The following CRTAC1 variants were observed in gnomAD, a reference collection of about 807,000 sequenced individuals.
The protein encoded by CRTAC1 is cartilage acidic protein 1.
In CRTAC1, 37 loss-of-function variants were observed where a neutral mutation model predicts 67.8. That is an observed-to-expected ratio of 0.55 (90% confidence interval 0.42 to 0.72). CRTAC1 has a LOEUF of 0.72. CRTAC1 is among the 30% of genes least tolerant of loss of function. The pLI is 0.00. For missense variants in CRTAC1, 780 were observed against 931.6 expected (o/e 0.84, Z 2.12); for synonymous variants, 348 against 371.0 (o/e 0.94, Z 0.71).
chr10:97,886,198 C>T (rs970230213), intron 11 of CRTAC1, among the ~76,000 whole-genome samples: 7 of 152,186 alleles, frequency 4.6e-5, no homozygotes, highest in African/African-American at 7.2e-5. Context: ...GAGGGAGTTA[C>T]GCCTTGTGAG....
At chr10:97,884,542 C>T in intron 11 of CRTAC1, 191 bp from the exon 12 acceptor site, 1 of 603,976 alleles carries the variant, frequency 1.7e-6, no homozygotes, top group South Asian at 2.1e-5. Context: ...ATAGACCTGT[C>T]TGTCTGCAAG....
chr10:98,020,255 T>C (rs1167079502), intron 1 of CRTAC1, among the ~76,000 whole-genome samples: 1 of 152,154 alleles, frequency 6.6e-6, no homozygotes, highest in Non-Finnish European at 1.5e-5. Context: ...AGGCACATAA[T>C]TGATATTTTG....
Position 98,018,199 on chromosome 10 carries a change from C to CAAAAAAAAAAA in CRTAC1, c.25-6873_25-6863dup, listed in dbSNP as rs71007373. Among the ~76,000 whole-genome samples the CAAAAAAAAAAA allele has an allele frequency of 6.2e-5, 3 of 48,652 alleles. 1 individual carries two copies. The highest frequency in any genetic ancestry group is 2.9e-4 in the African/African-American group (3 of 10,508). The allele number at this position is 48,652 out of a possible 152,430, so 31.9% of individuals were successfully genotyped here. ...TCTGGGTGACAGAGCAAGATGCCCG[C>CAAAAAAAAAAA]AAAAAAAAAAAAAAAAAAAAAAAAA... On this transcript the variant is annotated intron_variant, in intron 1 of 14. Transcript: ENST00000370597.
At chr10:97,969,422 G>T (rs1267519222) in intron 2 of CRTAC1, among the ~76,000 whole-genome samples, 1 of 152,154 alleles carries the variant, frequency 6.6e-6, no homozygotes, top group Non-Finnish European at 1.5e-5. Flanking sequence ...GCCTTCCTTT[G>T]GGCCCCTTGC....
At chr10:97,978,319 A>AT (rs1189294014) in intron 2 of CRTAC1, among the ~76,000 whole-genome samples, 4 of 152,036 alleles carry the variant, frequency 2.6e-5, no homozygotes, top group Non-Finnish European at 5.9e-5. Flanking sequence ...TTTGAGCTCC[A>AT]TTTTTTACCA....
chr10:97,903,172 C>T (rs2050565141), intron 7 of CRTAC1, among the ~76,000 whole-genome samples: 1 of 149,646 alleles, frequency 6.7e-6, no homozygotes, highest in South Asian at 2.2e-4. Context: ...TAACAGGGTT[C>T]CTCACCCTCA....
At position 97,895,819 on chromosome 10, in the gene CRTAC1, T is replaced by A; in HGVS notation, c.1317+66A>T. 1 of 1,395,390 alleles carries A rather than the reference T, an allele frequency of 7.2e-7. No homozygotes were observed. 86.4% of individuals were successfully genotyped at this position (1,395,390 alleles called of 1,614,324 possible). On this transcript the variant is annotated intron_variant, in intron 10 of 14. Coordinates refer to ENST00000370597, the MANE Select transcript of CRTAC1 (RefSeq NM_018058.7). This position sits in a 1 kb window ranked among gnomAD's most constrained non-coding sequence, Gnocchi z 4.2. ...AAGCCAGCACCCCGGCACCTTGCCC[T>A]CACCAACTCAAGGTACCCGAGAGCA...
chr10:97,995,687 G>A (rs1842550723), intron 2 of CRTAC1, among the ~76,000 whole-genome samples: 1 of 152,020 alleles, frequency 6.6e-6, no homozygotes. Flanking sequence ...AGCAATGAAT[G>A]GTAAATACAT....
At chr10:97,959,223 A>C (rs1186044494) in intron 2 of CRTAC1, among the ~76,000 whole-genome samples, 1 of 152,192 alleles carries the variant, frequency 6.6e-6, no homozygotes, top group Non-Finnish European at 1.5e-5. Context: ...AAATCTGCAT[A>C]GAATCATACT....
At chr10:97,983,113 A>C (rs1214507351) in intron 2 of CRTAC1, among the ~76,000 whole-genome samples, 1 of 152,240 alleles carries the variant, frequency 6.6e-6, no homozygotes, top group Non-Finnish European at 1.5e-5. Context: ...AACAAGTATG[A>C]AACATGCCAA....
intron 4 of CRTAC1, among the ~76,000 whole-genome samples, chr10:97,919,339 C>T (rs761240855): frequency 6.6e-6 from 1 of 152,104 alleles, no homozygotes; most frequent in Non-Finnish European, 1.5e-5. Flanking sequence ...AAAAACTTTT[C>T]TTAAAGGAGT....
At chr10:97,916,642 T>C (rs1217617077) in intron 5 of CRTAC1, among the ~76,000 whole-genome samples, 1 of 152,186 alleles carries the variant, frequency 6.6e-6, no homozygotes, top group African/African-American at 2.4e-5. Flanking sequence ...TTTGGAAGCC[T>C]CTGCTGCACA....
chr10:98,030,131 C>T lies in CRTAC1; in HGVS notation c.24+318G>A, dbSNP rs1327794857. On this transcript the variant is annotated intron_variant, in intron 1 of 14. Transcript: ENST00000370597. This position sits in a 1 kb window ranked among gnomAD's most constrained non-coding sequence, Gnocchi z 4.2. ...CTCCAGGCCCCAGAGGCCCCCTCCC[C>T]TGACAGCTGACCTCCAGTGCGCCCC... Among the ~76,000 whole-genome samples the T allele has an allele frequency of 6.6e-6, 1 of 152,142 alleles. No individual in the cohort carries two copies. Among genetic ancestry groups the T allele is most frequent in the East Asian group, 1.9e-4 (1 of 5,146 alleles).
chr10:97,878,792 T>G, intron 14 of CRTAC1: 2 of 1,056,262 alleles, frequency 1.9e-6, no homozygotes, highest in Non-Finnish European at 2.5e-6. Context: ...CCCAACTCTC[T>G]TGTCATCTAC....
At position 97,953,776 on chromosome 10, in the gene CRTAC1, T is replaced by C. The variant is rs573895695; in HGVS notation, c.225-17410A>G. On this transcript the variant is annotated intron_variant, in intron 2 of 14. Coordinates refer to ENST00000370597, the MANE Select transcript of CRTAC1 (RefSeq NM_018058.7). ...GAACTTGTTTCCTTATTCCAAATTC[T>C]AGTTTCTTTTTACCCAACCATAATG... Among the ~76,000 whole-genome samples the C allele has an allele frequency of 3.5e-4, 53 of 152,336 alleles. 1 individual carries two copies. The South Asian group carries it at 9.7e-3, about 28-fold the overall frequency.
intron 4 of CRTAC1, among the ~76,000 whole-genome samples, chr10:97,922,610 CGGCTGCCCCCTCACCGGGCAGAT>C (rs993437324): frequency 6.6e-6 from 1 of 152,224 alleles, no homozygotes; most frequent in Non-Finnish European, 1.5e-5. Context: ...CCTGGGTGGG[CGGCTGCCCCCTCACCGGGCAGAT>C]GGCTGCAGTG....
chr10:97,869,830 G>A (rs2050071721), intron 14 of CRTAC1: 1 of 152,256 alleles, frequency 6.6e-6, no homozygotes, highest in African/African-American at 2.4e-5. Context: ...TGTCGAGCCT[G>A]GGAAACTCCA....
intron 3 of CRTAC1, among the ~76,000 whole-genome samples, chr10:97,928,848 C>T (rs1261274513): frequency 6.6e-6 from 1 of 152,040 alleles, no homozygotes; most frequent in Non-Finnish European, 1.5e-5. Flanking sequence ...CATGGCAGGG[C>T]AGGGGAGACC....
chr10:97,945,077 T>C lies in CRTAC1; in HGVS notation c.225-8711A>G, dbSNP rs1448072222. ...AGTTTTCAGAAAAGAAAGTAGATAA[T>C]GATGACCTATCATCTCAGATCTAAG... is the stretch of plus-strand genomic sequence containing the variant. On this transcript the variant is annotated intron_variant, in intron 2 of 14. Coordinates refer to ENST00000370597, the MANE Select transcript of CRTAC1 (RefSeq NM_018058.7). 3.9e-5 allele frequency among the ~76,000 whole-genome samples: 6 copies of C among 152,330 alleles called. No homozygotes were observed. The East Asian group carries it at 1.2e-3, about 29-fold the overall frequency.
Sources: gnomAD v4.1 joint callset for allele counts (sites outside exome capture counted in the v4.1 genomes callset) on GRCh38, gnomAD v4.1.1 for gene constraint, Gnocchi (gnomAD v3.1) non-coding constraint, MANE v1.5 for transcripts, NCBI Gene and HGNC (gene_info 2026-07-23, HGNC 2026-07-21) for gene names.